Variants in ZC3H12B observed in about 807,000 individuals in gnomAD.
The protein encoded by ZC3H12B is probable ribonuclease ZC3H12B.
Under a neutral mutation model 43.9 loss-of-function variants are expected in ZC3H12B, and 7 were observed. That is an observed-to-expected ratio of 0.16 (90% CI 0.09 to 0.30). ZC3H12B has a LOEUF of 0.30. Among genes scored for constraint, ZC3H12B ranks in the 10% least tolerant of loss-of-function variants. ZC3H12B has a pLI of 1.00. For missense variants in ZC3H12B, 475 were observed against 670.2 expected, an observed-to-expected ratio of 0.71 and a Z score of 3.22; for synonymous variants, 222 against 241.7, an observed-to-expected ratio of 0.92 and a Z score of 0.76.
In ZC3H12B at chrX:65,426,078, A is replaced by G. The variant is rs1380312580; in HGVS notation, n.407+27374A>G. On this transcript the variant is annotated intron_variant and non_coding_transcript_variant, in intron 3 of 5. Coordinates refer to the ZC3H12B transcript ENST00000617377. ...CCTCTGGTAGAATTCAGCTGTGAAT[A>G]TGTCTTATCCTGTTTTTTTTTTTTC... is the stretch of plus-strand genomic sequence containing the variant. 4.7e-5 allele frequency among the ~76,000 whole-genome samples: 5 copies of G among 107,150 alleles called. No homozygotes were observed. In the Admixed American group the frequency reaches 5.0e-4, roughly 11 times the overall value. The allele number at this position is 107,150 out of a possible 115,157, so 93.0% of individuals were successfully genotyped here.
the ZC3H12B span, among the ~76,000 whole-genome samples, chrX:65,154,383 C>G: frequency 9.0e-6 from 1 of 111,685 alleles, no homozygotes; most frequent in Non-Finnish European, 1.9e-5. Flanking sequence ...CTGTTTTGCA[C>G]TGAGATTGAG....
exon 5 of ZC3H12B, chrX:65,506,336 T>C (rs1298576982): frequency 8.9e-6 from 1 of 112,743 alleles, no homozygotes; most frequent in African/African-American, 3.2e-5. Flanking sequence ...TATGAATACA[T>C]AAATACAGCA....
At chrX:65,381,823 C>A (rs956480805) in intron 2 of ZC3H12B, among the ~76,000 whole-genome samples, 3 of 112,011 alleles carry the variant, frequency 2.7e-5, no homozygotes, top group Admixed American at 9.4e-5. Context: ...ATACTACAAA[C>A]ACCTCTACAC....
chrX:65,230,263 T>G, the ZC3H12B span, among the ~76,000 whole-genome samples: 1 of 110,666 alleles, frequency 9.0e-6, no homozygotes, highest in East Asian at 2.8e-4. Context: ...GAAATCATCA[T>G]TCTCAGTAAA....
the ZC3H12B span, among the ~76,000 whole-genome samples, chrX:65,159,555 T>C: frequency 8.9e-6 from 1 of 111,947 alleles, no homozygotes; most frequent in African/African-American, 3.2e-5. Flanking sequence ...ACTCATGATT[T>C]GGCTCTCTGT....
At chrX:65,207,118 AAGT>A in the ZC3H12B span, among the ~76,000 whole-genome samples, 8,131 of 109,650 alleles carry the variant, frequency 0.074, 834 homozygotes, top group African/African-American at 0.26. Flanking sequence ...CAAGAACTAA[AAGT>A]AGAACTATCA....
At chrX:65,356,723 C>T in the ZC3H12B span, among the ~76,000 whole-genome samples, 7 of 111,741 alleles carry the variant, frequency 6.3e-5, no homozygotes, top group Non-Finnish European at 1.1e-4. Context: ...ACAACTGATG[C>T]TTCTCAGCAT....
chrX:65,251,928 A>T, the ZC3H12B span, among the ~76,000 whole-genome samples: 25 of 110,687 alleles, frequency 2.3e-4, no homozygotes, highest in Non-Finnish European at 3.2e-4. Context: ...ACCCTTTATT[A>T]CTTTCTCCTT....
chrX:65,334,987 T>G, the ZC3H12B span, among the ~76,000 whole-genome samples: 1 of 111,812 alleles, frequency 8.9e-6, no homozygotes, highest in Non-Finnish European at 1.9e-5. Context: ...AAGAGCATGC[T>G]TCTCTGATCC....
At chrX:65,304,709 CA>C in the ZC3H12B span, among the ~76,000 whole-genome samples, 5 of 109,646 alleles carry the variant, frequency 4.6e-5, no homozygotes, top group African/African-American at 1.7e-4. Flanking sequence ...AATGTAAAAC[CA>C]AAAATAAAAA....
the ZC3H12B span, among the ~76,000 whole-genome samples, chrX:65,164,379 T>G: frequency 6.3e-5 from 7 of 111,197 alleles, no homozygotes; most frequent in Non-Finnish European, 1.3e-4. Context: ...ATCTGAAAAA[T>G]ACCTCAAACA....
chrX:65,488,690 T>G, upstream of ZC3H12B: 1 of 971,702 alleles, frequency 1.0e-6, no homozygotes, highest in South Asian at 2.6e-5. Context: ...GTCAAACTCT[T>G]GCACCATCGC....
chrX:65,307,400 T>C, the ZC3H12B span, among the ~76,000 whole-genome samples: 5 of 111,655 alleles, frequency 4.5e-5, no homozygotes, highest in Middle Eastern at 4.7e-3. Context: ...TTAAGTATAA[T>C]CTAGGATATA....
the ZC3H12B span, among the ~76,000 whole-genome samples, chrX:65,055,801 C>T: frequency 9.0e-6 from 1 of 111,305 alleles, no homozygotes; most frequent in Admixed American, 9.6e-5. Context: ...CAAATTCTTC[C>T]TGGTTTAGTC....
the ZC3H12B span, among the ~76,000 whole-genome samples, chrX:65,204,250 A>G: frequency 8.9e-6 from 1 of 112,032 alleles, no homozygotes; most frequent in Non-Finnish European, 1.9e-5. Context: ...CTATGTGGAT[A>G]CTTGTTCAAT....
At chrX:65,378,952 G>A (rs2066391732) in intron 2 of ZC3H12B, among the ~76,000 whole-genome samples, 1 of 112,511 alleles carries the variant, frequency 8.9e-6, no homozygotes, top group Admixed American at 9.3e-5. Flanking sequence ...GGTTCAGAGG[G>A]TCCTATGCCC....
At chrX:65,247,434 A>T in the ZC3H12B span, among the ~76,000 whole-genome samples, 1 of 112,664 alleles carries the variant, frequency 8.9e-6, no homozygotes, top group African/African-American at 3.2e-5. Flanking sequence ...AGACACATGC[A>T]TACATATGTT....
chrX:65,108,384 A>G, the ZC3H12B span, among the ~76,000 whole-genome samples: 1 of 111,077 alleles, frequency 9.0e-6, no homozygotes, highest in Admixed American at 9.6e-5. Context: ...TCCTTAGTCT[A>G]TAAGCTTTTC....
chrX:65,409,310 C>T (rs2066874948), intron 3 of ZC3H12B, among the ~76,000 whole-genome samples: 1 of 110,148 alleles, frequency 9.1e-6, no homozygotes, highest in Non-Finnish European at 1.9e-5. Context: ...AAAATAAAAG[C>T]CATATATGAC....
Sources: allele counts gnomAD v4.1 joint callset (sites outside exome capture counted in the v4.1 genomes callset), GRCh38; gene constraint gnomAD v4.1.1; transcripts MANE v1.5; gene names NCBI Gene and HGNC (gene_info 2026-07-23, HGNC 2026-07-21).